SLC16A7: variants seen among roughly 807,000 people sequenced by gnomAD.
The protein encoded by SLC16A7 is solute carrier family 16 member 7.
In SLC16A7, 33 loss-of-function variants were observed where a neutral mutation model predicts 34.9. The ratio of observed to expected loss-of-function variants is 0.94; its 90% CI spans 0.72 to 1.26. The LOEUF is 1.26. Ranked by LOEUF, SLC16A7 falls within the 50% of genes most tolerant of loss-of-function variation. SLC16A7 has a pLI of 0.00. For synonymous variants in SLC16A7, 201 were observed against 206.6 expected (o/e 0.97, Z 0.23); for missense variants, 573 against 578.1 (o/e 0.99, Z 0.09).
chr12:59,684,433 T>A (rs1019990804), intron 2 of SLC16A7, among the ~76,000 whole-genome samples: 2 of 152,170 alleles, frequency 1.3e-5, no homozygotes, highest in Non-Finnish European at 2.9e-5. Flanking sequence ...AATGTTGTCC[T>A]TCTAGTGAGC....
At chr12:59,617,363 A>G (rs1879500913) in intron 1 of SLC16A7, among the ~76,000 whole-genome samples, 1 of 151,976 alleles carries the variant, frequency 6.6e-6, no homozygotes, top group African/African-American at 2.4e-5. Context: ...AGGTTTAGAA[A>G]TTTTCAAGCT....
In SLC16A7 at chr12:59,647,187, G is replaced by A. The variant is rs188617213; in HGVS notation, c.-129-7965G>A. On this transcript the variant is annotated intron_variant, in intron 1 of 5. Transcript: ENST00000547379. The stretch of plus-strand genomic sequence containing the variant: ...TAAGATTTGGGAGGGGCTGGGGGTG[G>A]AATGATATGGTTGGCTGTGTCCCTA... Among the ~76,000 whole-genome samples, 13 of 152,212 alleles carry A rather than the reference G, an allele frequency of 8.5e-5. No homozygotes were observed. The East Asian group carries it at 2.5e-3, about 30-fold the overall frequency.
chr12:59,659,661 G>GTA (rs1868731851), intron 2 of SLC16A7, among the ~76,000 whole-genome samples: 1 of 151,992 alleles, frequency 6.6e-6, no homozygotes, highest in African/African-American at 2.4e-5. Context: ...TATTGCTTGG[G>GTA]TATATGGTCA....
chr12:59,633,433 A>G (rs1880275097), intron 1 of SLC16A7, among the ~76,000 whole-genome samples: 1 of 152,052 alleles, frequency 6.6e-6, no homozygotes, highest in Admixed American at 6.6e-5. Flanking sequence ...TTGTTACTTA[A>G]CATTTAGCAG....
intron 1 of SLC16A7, among the ~76,000 whole-genome samples, chr12:59,599,432 T>G (rs1427105119): frequency 2.0e-5 from 3 of 152,080 alleles, no homozygotes; most frequent in African/African-American, 7.2e-5. Flanking sequence ...TTTGACAAAT[T>G]AGCAAAAGGT....
chr12:59,711,432 TATA>T (rs1303858165), intron 3 of SLC16A7, among the ~76,000 whole-genome samples: 2 of 152,220 alleles, frequency 1.3e-5, no homozygotes, highest in Non-Finnish European at 2.9e-5. Context: ...TCAAAATGCA[TATA>T]TCATATTTGG....
intron 1 of SLC16A7, among the ~76,000 whole-genome samples, chr12:59,618,944 G>A (rs924760401): frequency 6.6e-6 from 1 of 151,942 alleles, no homozygotes; most frequent in African/African-American, 2.4e-5. Flanking sequence ...ATAATTTTGT[G>A]ATTTTTCTGC....
chr12:59,759,807 T>C (rs913356717), intron 3 of SLC16A7, among the ~76,000 whole-genome samples: 3 of 152,078 alleles, frequency 2.0e-5, no homozygotes, highest in African/African-American at 7.2e-5. Flanking sequence ...GGCTATCTTT[T>C]CTGTGGAATT....
rs183397024 is a variant in SLC16A7 at position 59,755,669 on chromosome 12, T to C, written c.218-15550T>C. On this transcript the variant is annotated intron_variant, in intron 3 of 5. Coordinates refer to ENST00000547379, the MANE Select transcript of SLC16A7 (RefSeq NM_001270623.2). ...GTAGGAAGAATCAGTATCATGAAAA[T>C]GGCCATACTGCCCAAGGTAATTTCT... is the stretch of plus-strand genomic sequence containing the variant. Among the ~76,000 whole-genome samples the C allele has an allele frequency of 1.9e-3, 285 of 152,234 alleles. 2 individuals are homozygous for C. The highest frequency in any genetic ancestry group is 5.9e-3 in the African/African-American group (246 of 41,516).
chr12:59,763,500 A>G (rs1396679954), intron 3 of SLC16A7, among the ~76,000 whole-genome samples: 2 of 152,276 alleles, frequency 1.3e-5, no homozygotes, highest in East Asian at 3.9e-4. Context: ...TTTCTAGTCA[A>G]TAAACTTAGC....
At chr12:59,756,856 G>C (rs61933835) in intron 3 of SLC16A7, among the ~76,000 whole-genome samples, 3,627 of 120,092 alleles carry the variant, frequency 0.03, 30 homozygotes, top group African/African-American at 0.063. Flanking sequence ...GGAACCAACC[G>C]AAATGTCCAA....
intron 1 of SLC16A7, among the ~76,000 whole-genome samples, chr12:59,630,300 T>C (rs1038592618): frequency 1.3e-5 from 2 of 151,890 alleles, no homozygotes; most frequent in Non-Finnish European, 2.9e-5. Flanking sequence ...TGAACAGATT[T>C]CCTGTCTTTC....
At chr12:59,745,196 T>C (rs1878762216) in intron 3 of SLC16A7, among the ~76,000 whole-genome samples, 2 of 152,248 alleles carry the variant, frequency 1.3e-5, no homozygotes, top group Non-Finnish European at 2.9e-5. Context: ...GTCTTTTTCA[T>C]ATCTGAAGAA....
At chr12:59,666,854 A>G (rs141350767) in intron 2 of SLC16A7, among the ~76,000 whole-genome samples, 69 of 152,324 alleles carry the variant, frequency 4.5e-4, no homozygotes, top group Middle Eastern at 3.4e-3. Flanking sequence ...AAGATAACTG[A>G]AAATATGGAA....
intron 2 of SLC16A7, among the ~76,000 whole-genome samples, chr12:59,690,394 A>T (rs960297765): frequency 3.9e-5 from 6 of 151,994 alleles, no homozygotes; most frequent in African/African-American, 1.2e-4. Context: ...GCAGATTAAC[A>T]AGAGAAAAAC....
chr12:59,634,812 C>T (rs112372932), intron 1 of SLC16A7, among the ~76,000 whole-genome samples: 28 of 152,024 alleles, frequency 1.8e-4, no homozygotes, highest in African/African-American at 6.3e-4. Flanking sequence ...GAATGCTCTA[C>T]AGTGGGTGAT....
intron 3 of SLC16A7, among the ~76,000 whole-genome samples, chr12:59,747,510 C>T (rs1303059366): frequency 6.6e-6 from 1 of 152,190 alleles, no homozygotes; most frequent in South Asian, 2.1e-4. Flanking sequence ...ATCCCCACCA[C>T]ATATCTAGAA....
At chr12:59,629,543 G>A (rs900816322) in intron 1 of SLC16A7, among the ~76,000 whole-genome samples, 5 of 151,838 alleles carry the variant, frequency 3.3e-5, no homozygotes, top group South Asian at 2.1e-4. Flanking sequence ...TAAAATGAAC[G>A]AAAATAAACT....
chr12:59,710,757 C>A (rs893608765), intron 3 of SLC16A7, among the ~76,000 whole-genome samples: 7 of 152,108 alleles, frequency 4.6e-5, no homozygotes, highest in Non-Finnish European at 8.8e-5. Flanking sequence ...TATCATTACT[C>A]ACTTTATGCA....
Sources: gnomAD v4.1 joint callset for allele counts (sites outside exome capture counted in the v4.1 genomes callset) on GRCh38, gnomAD v4.1.1 for gene constraint, MANE v1.5 for transcripts, NCBI Gene and HGNC (gene_info 2026-07-23, HGNC 2026-07-21) for gene names.